Variants in JAM3 observed in about 807,000 individuals in gnomAD.
JAM3 encodes junctional adhesion molecule C.
JAM3 carries 31 observed loss-of-function variants against 39.4 expected under a neutral mutation model. That is an observed-to-expected ratio of 0.79 (90% CI 0.59 to 1.06). The LOEUF is 1.06. Among genes scored for constraint, JAM3 ranks in the 50% least tolerant of loss-of-function variants. The probability of loss-of-function intolerance (pLI) is 0.00; values close to 1 mark genes in which losing one functional copy is unlikely to be tolerated. For synonymous variants in JAM3, 182 were observed against 148.7 expected (o/e 1.22, Z -1.63); for missense variants, 455 against 391.4 (o/e 1.16, Z -1.37).
At chr11:134,131,437 G>C (rs925865221) in intron 1 of JAM3, among the ~76,000 whole-genome samples, 3 of 151,830 alleles carry the variant, frequency 2.0e-5, no homozygotes, top group Non-Finnish European at 4.4e-5. Flanking sequence ...GCAAATCTTG[G>C]GGGAGGGGGG....
In JAM3 at chr11:134,131,872, G is replaced by C. The variant is rs563358280; in HGVS notation, c.77-7979G>C. On this transcript the variant is annotated intron_variant, in intron 1 of 8. Transcript: ENST00000299106. ...GAAAGAACTAGCAAAGTAGAAGTTAGGACGATTAATTATCAAGTTTGAGGA... is the reference window on the plus strand; with the variant it reads ...GAAAGAACTAGCAAAGTAGAAGTTACGACGATTAATTATCAAGTTTGAGGA... Among the ~76,000 whole-genome samples the C allele has an allele frequency of 2.0e-5, 3 of 152,254 alleles. No individual in the cohort carries two copies. The East Asian group carries it at 5.8e-4, about 29-fold the overall frequency.
intron 1 of JAM3, among the ~76,000 whole-genome samples, chr11:134,086,766 T>A (rs1159624524): frequency 6.6e-6 from 1 of 151,852 alleles, no homozygotes; most frequent in Non-Finnish European, 1.5e-5. Context: ...ACCTAAGAGG[T>A]TTTCTTATTT....
chr11:134,105,755 C>A (rs1030463820), intron 1 of JAM3, among the ~76,000 whole-genome samples: 1 of 152,072 alleles, frequency 6.6e-6, no homozygotes, highest in Non-Finnish European at 1.5e-5. Context: ...GCAATTGCTT[C>A]AAAGAGAATA....
At chr11:134,097,670 A>C (rs1489305743) in intron 1 of JAM3, among the ~76,000 whole-genome samples, 4 of 152,134 alleles carry the variant, frequency 2.6e-5, no homozygotes, top group Non-Finnish European at 5.9e-5. Context: ...ATTTAAAATT[A>C]TGTTTCATTT....
At chr11:134,148,075 G>A in intron 6 of JAM3, 1 of 220,156 alleles carries the variant, frequency 4.5e-6, no homozygotes. Flanking sequence ...TCTTACCTAG[G>A]ATTCTTTACT....
rs182140117 is a variant in JAM3 at position 134,073,408 on chromosome 11, T to C, written c.76+4249T>C. On this transcript the variant is annotated intron_variant, in intron 1 of 8. Transcript: ENST00000299106. ...CATTTTTTCTTACATTATCTTTCAT[T>C]TGCAGTTTCCCAAGGTTTCTATGGT... is the stretch of plus-strand genomic sequence containing the variant. Among the ~76,000 whole-genome samples, 806 of 152,326 alleles carry C rather than the reference T, an allele frequency of 5.3e-3. 3 individuals are homozygous for C. The highest frequency in any genetic ancestry group is 0.017 in the Middle Eastern group (5 of 294).
At chr11:134,123,128 C>A (rs1942567819) in intron 1 of JAM3, among the ~76,000 whole-genome samples, 1 of 152,198 alleles carries the variant, frequency 6.6e-6, no homozygotes, top group African/African-American at 2.4e-5. Context: ...GGAAAAGAAG[C>A]TAACATGAAC....
At chr11:134,111,133 CTTTTTTTTTTTTTT>C (rs71038561) in intron 1 of JAM3, among the ~76,000 whole-genome samples, 5 of 86,774 alleles carry the variant, frequency 5.8e-5, no homozygotes, top group Middle Eastern at 7.6e-3. Flanking sequence ...ACACATCCAT[CTTTTTTTTTTTTTT>C]TTTTTTTTTT....
chr11:134,132,317 A>G (rs934852333), intron 1 of JAM3, among the ~76,000 whole-genome samples: 1 of 152,214 alleles, frequency 6.6e-6, no homozygotes, highest in African/African-American at 2.4e-5. Flanking sequence ...CACAAATTCT[A>G]TATCCAGCAA....
At chr11:134,089,196 G>T (rs1002190730) in intron 1 of JAM3, among the ~76,000 whole-genome samples, 2 of 152,134 alleles carry the variant, frequency 1.3e-5, no homozygotes, top group South Asian at 4.1e-4. Flanking sequence ...ATACTTTCCA[G>T]TTCGTGGTTT....
At chr11:134,081,001 A>G (rs1185510802) in intron 1 of JAM3, among the ~76,000 whole-genome samples, 2 of 152,198 alleles carry the variant, frequency 1.3e-5, no homozygotes, top group Non-Finnish European at 2.9e-5. Context: ...CTCTTGGTAT[A>G]TTTTAGCTAA....
chr11:134,145,670 G>C (rs1250058749), intron 5 of JAM3, among the ~76,000 whole-genome samples: 1 of 152,208 alleles, frequency 6.6e-6, no homozygotes, highest in Non-Finnish European at 1.5e-5. Flanking sequence ...CCCAGGAGCA[G>C]TCATCATTGA....
At chr11:134,083,150 G>A (rs756024173) in intron 1 of JAM3, among the ~76,000 whole-genome samples, 3 of 152,176 alleles carry the variant, frequency 2.0e-5, no homozygotes, top group Non-Finnish European at 2.9e-5. Context: ...GCTTACTTCT[G>A]TGATTTTCAC....
intron 1 of JAM3, among the ~76,000 whole-genome samples, chr11:134,131,312 A>G (rs1401920290): frequency 6.6e-6 from 1 of 152,020 alleles, no homozygotes; most frequent in Admixed American, 6.6e-5. Context: ...TTATACTCTT[A>G]TAATAGCTGA....
At chr11:134,084,590 A>C (rs757773672) in intron 1 of JAM3, among the ~76,000 whole-genome samples, 6 of 152,214 alleles carry the variant, frequency 3.9e-5, no homozygotes, top group Non-Finnish European at 8.8e-5. Context: ...TTTGTTTTTC[A>C]TCAATAAGTG....
chr11:134,126,729 A>C (rs1942655272), intron 1 of JAM3, among the ~76,000 whole-genome samples: 1 of 152,170 alleles, frequency 6.6e-6, no homozygotes. Context: ...TGTGTAGAAA[A>C]CTGTGCTAGA....
rs192379746 is a variant in JAM3 at position 134,151,300 on chromosome 11, C to A, written c.*2119C>A. 6.6e-6 allele frequency: 1 copy of A among 152,354 alleles called. No individual in the cohort carries two copies. The highest frequency in any genetic ancestry group is 1.9e-4 in the East Asian group (1 of 5,184). The allele number at this position is 152,354 out of a possible 1,614,324, so 9.4% of individuals were successfully genotyped here. ...GAAATGCTCCAGCAGTGGCTCAGTG[C>A]TCCCTGGTGTCTGCTGCATGGCATC... On this transcript the variant is annotated 3_prime_UTR_variant, in exon 9 of 9. Coordinates refer to ENST00000299106, the MANE Select transcript of JAM3 (RefSeq NM_032801.5).
intron 1 of JAM3, among the ~76,000 whole-genome samples, chr11:134,121,416 G>A (rs182996493): frequency 2.1e-5 from 3 of 145,828 alleles, no homozygotes; most frequent in African/African-American, 5.3e-5. Context: ...GTGAGCAGAA[G>A]CGAGTCAGTA....
intron 1 of JAM3, among the ~76,000 whole-genome samples, chr11:134,101,910 T>A (rs184770839): frequency 1.2e-4 from 18 of 152,208 alleles, no homozygotes; most frequent in Middle Eastern, 6.8e-3. Flanking sequence ...TTACAAAAAA[T>A]TTAAAAATTA....
Sources: allele counts gnomAD v4.1 joint callset (sites outside exome capture counted in the v4.1 genomes callset), GRCh38; gene constraint gnomAD v4.1.1; transcripts MANE v1.5; gene names NCBI Gene and HGNC (gene_info 2026-07-23, HGNC 2026-07-21).